The following LEPR variants were observed in gnomAD, a reference collection of about 807,000 sequenced individuals.
LEPR encodes OB receptor.
Under a neutral mutation model 114.7 loss-of-function variants are expected in LEPR, and 56 were observed. The ratio of observed to expected loss-of-function variants is 0.49; its 90% confidence interval spans 0.39 to 0.61. The LOEUF is 0.61. Among genes scored for constraint, LEPR ranks in the 20% least tolerant of loss-of-function variants. The pLI is 0.00. For missense variants in LEPR, 1,202 were observed against 1,352.9 expected, an observed-to-expected ratio of 0.89 and a Z score of 1.75; for synonymous variants, 443 against 461.4, an observed-to-expected ratio of 0.96 and a Z score of 0.51.
chr1:65,597,996 C>G (rs953888314), intron 7 of LEPR, among the ~76,000 whole-genome samples: 3 of 151,698 alleles, frequency 2.0e-5, no homozygotes, highest in African/African-American at 7.3e-5. Context: ...CTCCCCTTAC[C>G]CCAAGAGCAG....
chr1:65,626,774 G>T (rs61781313), intron 19 of LEPR, among the ~76,000 whole-genome samples: 20,591 of 151,976 alleles, frequency 0.14, 1,729 homozygotes, highest in Middle Eastern at 0.24. Flanking sequence ...CCCTTTAGTA[G>T]CTGGGACCAT....
Position 65,601,453 on chromosome 1 carries a change from C to T in LEPR, c.1056C>T (p.Cys352=). The change falls in exon 9 of 20, where the codon TGC becomes TGT. Residue 352 remains cysteine (C), a synonymous_variant. Transcript: ENST00000349533. The part of the protein sequence containing the change: ...TSVGSNVSFH[C]IYKKENKIVP... ...TTGGGTCTAATGTTTCTTTTCACTGCATCTATAAGAAGGAAAACAAGATTG... is the reference window on the plus strand; with the variant it reads ...TTGGGTCTAATGTTTCTTTTCACTGTATCTATAAGAAGGAAAACAAGATTG... 1 of 1,613,564 alleles carries T rather than the reference C, an allele frequency of 6.2e-7. No individual in the cohort carries two copies. Among genetic ancestry groups the T allele is most frequent in the Non-Finnish European group, 8.5e-7 (1 of 1,179,668 alleles).
chr1:65,542,486 T>C (rs1228500467), intron 2 of LEPR, among the ~76,000 whole-genome samples: 1 of 151,924 alleles, frequency 6.6e-6, no homozygotes, highest in Admixed American at 6.6e-5. Flanking sequence ...AATTGTACTT[T>C]AAGTTCTGTG....
intron 19 of LEPR, chr1:65,626,003 A>G: frequency 1.2e-6 from 1 of 847,054 alleles, no homozygotes; most frequent in African/African-American, 1.7e-5. Flanking sequence ...AAGCTCTGAA[A>G]TCTTACCTAT....
intron 2 of LEPR, among the ~76,000 whole-genome samples, chr1:65,488,176 C>A (rs1321327631): frequency 7.0e-5 from 1 of 14,254 alleles, no homozygotes; most frequent in Non-Finnish European, 1.5e-4. Flanking sequence ...TTCTTTCTTT[C>A]TTTCTTTCTT....
rs187191030 is a variant in LEPR at position 65,599,485 on chromosome 1, A to G, written c.994+681A>G. Reference sequence around the variant, plus strand: ...GGCCTGTACAGAGATAACAGGTACCATGCAAATATCAATCCATTTAACAAG... The same window carrying G: ...GGCCTGTACAGAGATAACAGGTACCGTGCAAATATCAATCCATTTAACAAG... On this transcript the variant is annotated intron_variant, in intron 8 of 19. Transcript: ENST00000349533. Among the ~76,000 whole-genome samples, 271 of 152,284 alleles carry G rather than the reference A, an allele frequency of 1.8e-3. 1 individual carries two copies. The highest frequency in any genetic ancestry group is 6.3e-3 in the African/African-American group (262 of 41,578).
chr1:65,542,004 G>T (rs1017161305), intron 2 of LEPR, among the ~76,000 whole-genome samples: 2 of 152,106 alleles, frequency 1.3e-5, no homozygotes, highest in African/African-American at 4.8e-5. Context: ...CTTTACAATA[G>T]AAATTAAACA....
At chr1:65,544,253 G>T (rs1426877348) in intron 2 of LEPR, among the ~76,000 whole-genome samples, 1 of 151,868 alleles carries the variant, frequency 6.6e-6, no homozygotes, top group African/African-American at 2.4e-5. Context: ...GCCTATTATT[G>T]GTGTATAGGA....
chr1:65,521,203 T>A (rs1190681440), intron 2 of LEPR, among the ~76,000 whole-genome samples: 1 of 152,238 alleles, frequency 6.6e-6, no homozygotes, highest in African/African-American at 2.4e-5. Flanking sequence ...TATTTTCACA[T>A]TGAAAATCAG....
At chr1:65,462,191 C>T (rs1646954722) in intron 2 of LEPR, among the ~76,000 whole-genome samples, 1 of 152,150 alleles carries the variant, frequency 6.6e-6, no homozygotes, top group Admixed American at 6.5e-5. Flanking sequence ...GTGATGTTCC[C>T]TGCCCTGTGT....
At chr1:65,576,656 T>G (rs1271632551) in intron 5 of LEPR, 1 of 157,934 alleles carries the variant, frequency 6.3e-6, no homozygotes, top group African/African-American at 2.4e-5. Context: ...ACATGCTCAC[T>G]GATGGTTCCA....
chr1:65,567,898 C>T (rs1014928499), intron 3 of LEPR, among the ~76,000 whole-genome samples: 7 of 149,640 alleles, frequency 4.7e-5, no homozygotes, highest in South Asian at 2.1e-4. Context: ...TTGATGAACC[C>T]ATACTGACAT....
In LEPR at chr1:65,608,669, G is replaced by T. The variant is rs1328729106; in HGVS notation, c.1604-84G>T. The T allele has an allele frequency of 9.2e-6, 13 of 1,419,790 alleles. No individual in the cohort carries two copies. In the South Asian group the frequency reaches 1.0e-4, roughly 11 times the overall value. 87.9% of individuals were successfully genotyped at this position (1,419,790 alleles called of 1,614,324 possible). On this transcript the variant is annotated intron_variant, in intron 11 of 19. Transcript: ENST00000349533. Reference sequence around the variant, plus strand: ...AAGAAGATATTGCTTGATGAATACAGATGTATGAAAATATAACACAATGTT... The same window carrying T: ...AAGAAGATATTGCTTGATGAATACATATGTATGAAAATATAACACAATGTT...
At chr1:65,500,469 A>G (rs1376654924) in intron 2 of LEPR, among the ~76,000 whole-genome samples, 1 of 152,160 alleles carries the variant, frequency 6.6e-6, no homozygotes, top group Admixed American at 6.6e-5. Flanking sequence ...TGCATCTGTC[A>G]CCCTGAGAGG....
At chr1:65,496,784 C>G (rs1648182544) in intron 2 of LEPR, among the ~76,000 whole-genome samples, 4 of 151,958 alleles carry the variant, frequency 2.6e-5, no homozygotes, top group Admixed American at 2.6e-4. Context: ...TTAATGAGCC[C>G]CATTGCCAGA....
chr1:65,485,792 G>T (rs1647455980), intron 2 of LEPR, among the ~76,000 whole-genome samples: 1 of 152,068 alleles, frequency 6.6e-6, no homozygotes, highest in Non-Finnish European at 1.5e-5. Flanking sequence ...GCCATTGTGG[G>T]TCTCTTTGAA....
At chr1:65,435,395 T>A (rs1646547297) in intron 2 of LEPR, 2 of 857,378 alleles carry the variant, frequency 2.3e-6, no homozygotes, top group South Asian at 1.1e-4. Flanking sequence ...TGAGGCAGAG[T>A]CTCGCTCTGT....
At chr1:65,635,095 G>A in intron 19 of LEPR, 2 of 903,624 alleles carry the variant, frequency 2.2e-6, no homozygotes, top group South Asian at 5.1e-5. Flanking sequence ...TAAATAAATT[G>A]TATTGTATAT....
At chr1:65,598,926 TC>T in intron 8 of LEPR, 122 bp downstream of exon 8, 1 of 1,456,594 alleles carries the variant, frequency 6.9e-7, no homozygotes, top group Non-Finnish European at 9.3e-7. Flanking sequence ...AGTATCAACT[TC>T]CTTGTTTAAA....
Sources: gnomAD v4.1 joint callset for allele counts (sites outside exome capture counted in the v4.1 genomes callset) on GRCh38, gnomAD v4.1.1 for gene constraint, MANE v1.5 for transcripts, NCBI Gene and HGNC (gene_info 2026-07-23, HGNC 2026-07-21) for gene names.